The following H2BC18 variants were observed in gnomAD, a reference collection of about 807,000 sequenced individuals.
H2BC18 encodes the protein H2B clustered histone 18, also known as histone H2B type 2-F.
A neutral mutation model predicts 6.3 loss-of-function variants in H2BC18; 8 were observed. The ratio of observed to expected loss-of-function variants is 1.28; its 90% CI spans 0.75 to 2.31. H2BC18 has a LOEUF of 2.31. Ranked by LOEUF, H2BC18 falls within the 30% of genes most tolerant of loss-of-function variation. H2BC18 has a pLI of 0.00. For synonymous variants in H2BC18, 104 were observed against 78.1 expected (o/e 1.33, Z -1.75); for missense variants, 106 against 174.5 (o/e 0.61, Z 2.21).
At chr1:149,805,622 C>T (rs2091910168) in intron 1 of H2BC18, 1 of 152,124 alleles carries the variant, frequency 6.6e-6, no homozygotes, top group Non-Finnish European at 1.5e-5. Flanking sequence ...TGGAGCTCCA[C>T]CTGTCATAAA....
At chr1:149,796,191 T>G (rs1553752762) in intron 1 of H2BC18, among the ~76,000 whole-genome samples, 1 of 152,190 alleles carries the variant, frequency 6.6e-6, no homozygotes, top group Admixed American at 6.5e-5. Flanking sequence ...TTCATCTCCC[T>G]ATCACACATG....
intron 1 of H2BC18, chr1:149,803,605 C>T (rs2091892665): frequency 1.3e-5 from 2 of 152,196 alleles, no homozygotes; most frequent in South Asian, 4.1e-4. Context: ...GAAAGTGGAC[C>T]AGTATCCAGG....
At chr1:149,784,278 G>A in intron 1 of H2BC18, 1 of 1,609,658 alleles carries the variant, frequency 6.2e-7, no homozygotes, top group East Asian at 2.2e-5. Context: ...CTTGGACCAG[G>A]AGGGCCGGAA....
intron 1 of H2BC18, among the ~76,000 whole-genome samples, chr1:149,800,898 C>A (rs1372917809): frequency 2.6e-5 from 4 of 152,076 alleles, no homozygotes; most frequent in Admixed American, 2.0e-4. Context: ...CCAGCCTGGG[C>A]AAAATGGTGA....
Position 149,812,309 on chromosome 1 carries a change from C to T in H2BC18, c.15G>A (p.Ala5=), listed in dbSNP as rs149789408. Residue 5 remains alanine (A), a synonymous_variant, in exon 1 of 1, where the codon GCG becomes GCA. Coordinates refer to ENST00000369167, the MANE Select transcript of H2BC18 (RefSeq NM_001024599.5). MPDP[A]KSAPAPKKGS... ...CCTTCTTGGGAGCAGGAGCGGATTT[C>T]GCTGGATCCGGCATTTTTGCGCGAA... 1.9e-6 allele frequency: 3 copies of T among 1,614,022 alleles called. No homozygotes were observed. Among genetic ancestry groups the T allele is most frequent in the African/African-American group, 2.7e-5 (2 of 74,890 alleles).
chr1:149,797,933 TA>T (rs1227833450), intron 1 of H2BC18, among the ~76,000 whole-genome samples: 1 of 151,896 alleles, frequency 6.6e-6, no homozygotes, highest in Admixed American at 6.6e-5. Flanking sequence ...GTTTTAATAT[TA>T]TTTGCCATGA....
At chr1:149,794,151 G>T in intron 1 of H2BC18, 1 of 366,530 alleles carries the variant, frequency 2.7e-6, no homozygotes, top group Non-Finnish European at 5.3e-6. Flanking sequence ...GGCAGCGGCA[G>T]CCTGGACTAA....
chr1:149,799,568 A>G (rs2091840091), intron 1 of H2BC18, among the ~76,000 whole-genome samples: 1 of 152,158 alleles, frequency 6.6e-6, no homozygotes, highest in Non-Finnish European at 1.5e-5. Flanking sequence ...AAATCTTACT[A>G]TTCAAATGAC....
intron 1 of H2BC18, among the ~76,000 whole-genome samples, chr1:149,797,221 AT>A (rs1473473641): frequency 6.6e-6 from 1 of 152,134 alleles, no homozygotes; most frequent in African/African-American, 2.4e-5. Context: ...CCTTGGTGCT[AT>A]TTTTAAGGAT....
At chr1:149,785,617 G>C (rs2091528204) in intron 1 of H2BC18, 3 of 151,772 alleles carry the variant, frequency 2.0e-5, no homozygotes. Context: ...CCTCTACACA[G>C]ACTCTAGGAC....
chr1:149,785,417 T>TG (rs1559743137), intron 1 of H2BC18, among the ~76,000 whole-genome samples: 17 of 133,458 alleles, frequency 1.3e-4, no homozygotes, highest in African/African-American at 3.9e-4. Context: ...CGTTTTTTTT[T>TG]TTTTTTTTTT....
At chr1:149,802,785 A>C (rs1218916658) in intron 1 of H2BC18, among the ~76,000 whole-genome samples, 3 of 152,204 alleles carry the variant, frequency 2.0e-5, no homozygotes, top group Non-Finnish European at 4.4e-5. Context: ...AAGAGTCCAA[A>C]GGCCAAAGAA....
At chr1:149,789,707 T>C (rs2091652819) in intron 1 of H2BC18, among the ~76,000 whole-genome samples, 1 of 152,244 alleles carries the variant, frequency 6.6e-6, no homozygotes, top group African/African-American at 2.4e-5. Context: ...CTATTGTGAA[T>C]TGTGCGTGCC....
At chr1:149,787,445 G>A (rs1337689822) in intron 1 of H2BC18, 1 of 152,250 alleles carries the variant, frequency 6.6e-6, no homozygotes, top group African/African-American at 2.4e-5. Flanking sequence ...TGTTTTGCTA[G>A]TGATATCATT....
chr1:149,805,381 GA>G (rs1346980240), intron 1 of H2BC18: 1 of 152,010 alleles, frequency 6.6e-6, no homozygotes, highest in African/African-American at 2.4e-5. Flanking sequence ...ATAATCCCTT[GA>G]CTTTTAGGAG....
At position 149,792,560 on chromosome 1, in the gene H2BC18, T is replaced by C; in HGVS notation, c.378-9300A>G. On this transcript the variant is annotated intron_variant, in intron 1 of 1. Coordinates refer to the H2BC18 transcript ENST00000545683. Reference sequence around the variant, plus strand: ...TAGATTATTTGGTTTGATCCGTAAATGATGGGATGGGGCGTCGCGCTCCGA... The same window carrying C: ...TAGATTATTTGGTTTGATCCGTAAACGATGGGATGGGGCGTCGCGCTCCGA... 2.5e-6 allele frequency: 3 copies of C among 1,183,002 alleles called. No individual in the cohort carries two copies. In the South Asian group the frequency reaches 4.6e-5, roughly 18 times the overall value. 73.3% of individuals were successfully genotyped at this position (1,183,002 alleles called of 1,614,324 possible). A position where few individuals can be genotyped will look rare whatever the true frequency, so the allele number is the denominator to read the frequency against.
intron 1 of H2BC18, among the ~76,000 whole-genome samples, chr1:149,799,361 T>C (rs2175212): frequency 2.0e-5 from 3 of 152,256 alleles, no homozygotes; most frequent in Non-Finnish European, 2.9e-5. Flanking sequence ...GAAATTTCTC[T>C]TTGTTCCCAA....
chr1:149,811,216 G>C (rs1354184679), downstream of H2BC18: 1 of 153,486 alleles, frequency 6.5e-6, no homozygotes, highest in Non-Finnish European at 1.5e-5. Flanking sequence ...TGTGCCTTAT[G>C]CTTAGCACTC....
chr1:149,801,579 A>G (rs1472695242), intron 1 of H2BC18, among the ~76,000 whole-genome samples: 127 of 139,462 alleles, frequency 9.1e-4, no homozygotes, highest in African/African-American at 3.3e-3. Context: ...AAAACATCCT[A>G]AAGAGCAGAG....
Sources: gnomAD v4.1 joint callset for allele counts (sites outside exome capture counted in the v4.1 genomes callset) on GRCh38, gnomAD v4.1.1 for gene constraint, MANE v1.5 for transcripts, NCBI Gene and HGNC (gene_info 2026-07-23, HGNC 2026-07-21) for gene names.